The following TRIM62 variants were observed in gnomAD, a reference collection of about 807,000 sequenced individuals.
TRIM62 encodes E3 ubiquitin-protein ligase TRIM62.
TRIM62 carries 39 observed loss-of-function variants against 44.2 expected under a neutral mutation model. The ratio of observed to expected loss-of-function variants is 0.88; its 90% CI spans 0.68 to 1.15. TRIM62 has a LOEUF of 1.15. Ranked by LOEUF, TRIM62 falls within the 50% of genes most tolerant of loss-of-function variation. TRIM62 has a pLI of 0.00. For synonymous variants in TRIM62, 278 were observed against 292.3 expected (o/e 0.95, Z 0.50); for missense variants, 544 against 665.5 (o/e 0.82, Z 2.01).
At position 33,181,200 on chromosome 1, in the gene TRIM62, A is replaced by C; in HGVS notation, c.233T>G (p.Phe78Cys). ...LANIVERYSS[F>C]PLDAILNARR... ...CGCGTTGAGGATGGCGTCCAGCGGG[A>C]AGGAGCTGTAGCGCTCCACGATGTT... The change falls in exon 1 of 5, where the codon TTC becomes TGC. Residue 78 changes from phenylalanine to cysteine, a missense_variant. Physicochemically the swap from Phe to Cys is radical, Grantham distance 205 (BLOSUM62 -2). Coordinates refer to ENST00000291416, the MANE Select transcript of TRIM62 (RefSeq NM_018207.3). The surrounding 1 kb of genome is among the most constrained non-coding windows in gnomAD (Gnocchi z 6.5). The C allele has an allele frequency of 6.3e-7, 1 of 1,587,244 alleles. No individual in the cohort carries two copies. The highest frequency in any genetic ancestry group is 8.5e-7 in the Non-Finnish European group (1 of 1,172,318).
rs1005209019 is a variant in TRIM62, at chr1:33,161,423, A to G, written c.505-1479T>C. ...TGGGATTCTGGCTGGGAGTTCATGGAGTCAGAAACCCCACTGTGTTCAGTG... is the reference window on the plus strand; with the variant it reads ...TGGGATTCTGGCTGGGAGTTCATGGGGTCAGAAACCCCACTGTGTTCAGTG... On this transcript the variant is annotated intron_variant, in intron 2 of 4. Transcript: ENST00000291416. The surrounding 1 kb of genome is among the most constrained non-coding windows in gnomAD (Gnocchi z 4.3). Among the ~76,000 whole-genome samples, 5 of 152,088 alleles carry G rather than the reference A, an allele frequency of 3.3e-5. No homozygotes were observed. Among genetic ancestry groups the G allele is most frequent in the African/African-American group, 9.7e-5 (4 of 41,392 alleles).
Position 33,181,168 on chromosome 1 carries a change from C to T in TRIM62, c.265G>A (p.Ala89Thr). ...TCGTGCGCCTGGCAGGGTCGCGCGG[C>T]GCGGCGCGCGTTGAGGATGGCGTCC... is the stretch of plus-strand genomic sequence containing the variant. ...PLDAILNARR[A>T]ARPCQAHDKV... Residue 89 changes from alanine (A) to threonine (T), a missense_variant, in exon 1 of 5, where the codon GCC (alanine) becomes ACC (threonine). Ala to Thr is a moderately conservative substitution (Grantham distance 58, BLOSUM62 0). Coordinates refer to ENST00000291416, the MANE Select transcript of TRIM62 (RefSeq NM_018207.3). The surrounding 1 kb of genome is among the most constrained non-coding windows in gnomAD (Gnocchi z 6.5). 6.3e-7 allele frequency: 1 copy of T among 1,596,828 alleles called. No individual in the cohort carries two copies. Among genetic ancestry groups the T allele is most frequent in the South Asian group, 1.1e-5 (1 of 89,938 alleles).
intron 2 of TRIM62, among the ~76,000 whole-genome samples, chr1:33,160,162 A>C (rs781484006): frequency 2.2e-4 from 33 of 152,204 alleles, no homozygotes; most frequent in South Asian, 4.2e-4. Flanking sequence ...CAGGTGAGAA[A>C]ATGAGGCCTG....
In TRIM62 at chr1:33,177,372, C is replaced by G. The variant is rs1252333467; in HGVS notation, c.408+3653G>C. ...GATCCCTAACCCTTACAACATCCTT[C>G]CCAGGAACATCATATCCTCTTGTTA... On this transcript the variant is annotated intron_variant, in intron 1 of 4. Transcript: ENST00000291416. The surrounding 1 kb of genome is among the most constrained non-coding windows in gnomAD (Gnocchi z 4.1). 6.6e-6 allele frequency among the ~76,000 whole-genome samples: 1 copy of G among 152,146 alleles called. No individual in the cohort carries two copies. Among genetic ancestry groups the G allele is most frequent in the African/African-American group, 2.4e-5 (1 of 41,432 alleles).
At chr1:33,180,474 G>T (rs1056927581) in intron 1 of TRIM62, among the ~76,000 whole-genome samples, 2 of 152,110 alleles carry the variant, frequency 1.3e-5, no homozygotes, top group African/African-American at 4.8e-5. Context: ...CACTCTATTA[G>T]GTTTCACCCT....
Position 33,168,790 on chromosome 1 carries a change from GA to G in TRIM62, c.409-3225del, listed in dbSNP as rs534508054. Among the ~76,000 whole-genome samples the G allele has an allele frequency of 1.6e-3, 242 of 152,290 alleles. 1 individual carries two copies. The highest frequency in any genetic ancestry group is 5.7e-3 in the African/African-American group (235 of 41,556). ...ATCCAGCCTGGGACACAGTGTGGCTGAGAGGCAGATGTTGAGGAGATGGGCC... is the reference window on the plus strand; with the variant it reads ...ATCCAGCCTGGGACACAGTGTGGCTGGAGGCAGATGTTGAGGAGATGGGCC... On this transcript the variant is annotated intron_variant, in intron 1 of 4. Transcript: ENST00000291416.
rs1202086407 is a variant in TRIM62 at position 33,147,190 on chromosome 1, G to T, written c.1415C>A (p.Thr472Asn). 2 of 1,613,586 alleles carry T rather than the reference G, an allele frequency of 1.2e-6. No homozygotes were observed. The highest frequency in any genetic ancestry group is 8.5e-7 in the Non-Finnish European group (1 of 1,180,000). ...GKNVQPLRIN[T>N]VRI is the part of the protein sequence containing the mutation. ...CTTCTGCCTGGACTAGATGCGGACG[G>T]TGTTGATCCGCAGCGGCTGAACGTT... The change falls in exon 5 of 5, where the codon ACC (threonine) becomes AAC (asparagine). Residue 472 changes from threonine to asparagine, a missense_variant. By Grantham distance (65) the Thr-to-Asn change is moderately conservative. Coordinates refer to ENST00000291416, the MANE Select transcript of TRIM62 (RefSeq NM_018207.3). The surrounding 1 kb of genome is among the most constrained non-coding windows in gnomAD (Gnocchi z 8.1).
At position 33,161,959 on chromosome 1, in the gene TRIM62, T is replaced by C. The variant is rs1645274561; in HGVS notation, c.505-2015A>G. On this transcript the variant is annotated intron_variant, in intron 2 of 4. Coordinates refer to ENST00000291416, the MANE Select transcript of TRIM62 (RefSeq NM_018207.3). The surrounding 1 kb of genome is among the most constrained non-coding windows in gnomAD (Gnocchi z 4.3). ...CCCCCATTTTCAACTTGAACTGCTT[T>C]AAGGATGGTTCCCAAGTCCATATAG... Among the ~76,000 whole-genome samples the C allele has an allele frequency of 6.6e-6, 1 of 152,144 alleles. No individual in the cohort carries two copies. The highest frequency in any genetic ancestry group is 1.5e-5 in the Non-Finnish European group (1 of 68,020).
intron 2 of TRIM62, among the ~76,000 whole-genome samples, chr1:33,160,664 C>T (rs1204237721): frequency 1.3e-5 from 2 of 152,086 alleles, no homozygotes; most frequent in African/African-American, 4.8e-5. Flanking sequence ...CTTGGCCTCC[C>T]AAAGTGCTGG....
chr1:33,168,371 G>A (rs1334107838), intron 1 of TRIM62, among the ~76,000 whole-genome samples: 1 of 141,908 alleles, frequency 7.0e-6, no homozygotes, highest in African/African-American at 2.6e-5. Flanking sequence ...CTAGGAAGCT[G>A]GCTGTCTGAG....
Position 33,147,552 on chromosome 1 carries a change from G to A in TRIM62, c.1053C>T (p.His351=), listed in dbSNP as rs1333632918. 1 of 1,614,076 alleles carries A rather than the reference G, an allele frequency of 6.2e-7. No individual in the cohort carries two copies. Among genetic ancestry groups the A allele is most frequent in the East Asian group, 2.2e-5 (1 of 44,880 alleles). The change falls in exon 5 of 5, where the codon CAC becomes CAT. Residue 351 remains histidine, a synonymous_variant. Transcript: ENST00000291416. The surrounding 1 kb of genome is among the most constrained non-coding windows in gnomAD (Gnocchi z 8.1). ...TCTCCGCCACCACCACCTCCCAGTA[G>A]TGGACGCCACTACTGAAGGCTTCAG... The part of the protein sequence containing the change: ...LGSEAFSSGV[H]YWEVVVAEKT...
intron 4 of TRIM62, among the ~76,000 whole-genome samples, chr1:33,157,897 C>T (rs1645203040): frequency 6.6e-6 from 1 of 152,100 alleles, no homozygotes; most frequent in Non-Finnish European, 1.5e-5. Flanking sequence ...GCTGGGATTA[C>T]AGGTGCACGC....
chr1:33,145,680 G>T lies in TRIM62; in HGVS notation c.*1497C>A. 2 of 324,226 alleles carry T rather than the reference G, an allele frequency of 6.2e-6. No homozygotes were observed. The allele number at this position is 324,226 out of a possible 1,614,324, so 20.1% of individuals were successfully genotyped here. On this transcript the variant is annotated 3_prime_UTR_variant, in exon 5 of 5. Transcript: ENST00000291416. ...GGACTAGAAAGAAAAGTCAAGGCCGGGGAGACATTTAGGCTCAGTCTTGCA... is the reference window on the plus strand; with the variant it reads ...GGACTAGAAAGAAAAGTCAAGGCCGTGGAGACATTTAGGCTCAGTCTTGCA...
intron 4 of TRIM62, among the ~76,000 whole-genome samples, chr1:33,148,233 C>T (rs1047460438): frequency 5.9e-5 from 9 of 152,204 alleles, no homozygotes; most frequent in Non-Finnish European, 8.8e-5. Context: ...CCTTCCCCGA[C>T]TCCCAGTGAT....
rs1645230796 is a variant in TRIM62 at position 33,159,501 on chromosome 1, C to G, written c.761+187G>C. On this transcript the variant is annotated intron_variant, in intron 3 of 4. Coordinates refer to ENST00000291416, the MANE Select transcript of TRIM62 (RefSeq NM_018207.3). The surrounding 1 kb of genome is among the most constrained non-coding windows in gnomAD (Gnocchi z 4.2). ...CACCATTGCTGCTGCTCCTCTAGTTCAAGCCTCACTGGCTTCATACTCAAG... is the reference window on the plus strand; with the variant it reads ...CACCATTGCTGCTGCTCCTCTAGTTGAAGCCTCACTGGCTTCATACTCAAG... 1.3e-5 allele frequency among the ~76,000 whole-genome samples: 2 copies of G among 152,320 alleles called. No individual in the cohort carries two copies. The highest frequency in any genetic ancestry group is 4.1e-4 in the South Asian group (2 of 4,830).
rs746490711 is a variant in TRIM62 at position 33,165,044 on chromosome 1, G to C, written c.504+427C>G. ...TGGGCTCAAGCCATCATCTTGCCTCGGCCTCTGAAGAGACTGGGACTACAA... is the reference window on the plus strand; with the variant it reads ...TGGGCTCAAGCCATCATCTTGCCTCCGCCTCTGAAGAGACTGGGACTACAA... On this transcript the variant is annotated intron_variant, in intron 2 of 4. Transcript: ENST00000291416. The surrounding 1 kb of genome is among the most constrained non-coding windows in gnomAD (Gnocchi z 4.0). 6.5e-6 allele frequency: 1 copy of C among 153,428 alleles called. No homozygotes were observed. Among genetic ancestry groups the C allele is most frequent in the Middle Eastern group, 3.3e-3 (1 of 304 alleles). 9.5% of individuals were successfully genotyped at this position (153,428 alleles called of 1,614,324 possible).
chr1:33,165,374 C>T lies in TRIM62; in HGVS notation c.504+97G>A, dbSNP rs1166923763. ...TCCTTGAAGCCAGGTTTCCACCGCACACCCGAGGCCCCGCCCCTCTTCCCC... is the reference window on the plus strand; with the variant it reads ...TCCTTGAAGCCAGGTTTCCACCGCATACCCGAGGCCCCGCCCCTCTTCCCC... On this transcript the variant is annotated intron_variant, in intron 2 of 4. Transcript: ENST00000291416. The surrounding 1 kb of genome is among the most constrained non-coding windows in gnomAD (Gnocchi z 4.0). The T allele has an allele frequency of 1.6e-5, 19 of 1,165,854 alleles. No homozygotes were observed. The highest frequency in any genetic ancestry group is 2.3e-5 in the Non-Finnish European group (19 of 838,032). 72.2% of individuals were successfully genotyped at this position (1,165,854 alleles called of 1,614,324 possible).
chr1:33,159,809 T>C lies in TRIM62; in HGVS notation c.640A>G (p.Lys214Glu), dbSNP rs1410823770. Residue 214 changes from lysine (K) to glutamate (E), a missense_variant, in exon 3 of 5, where the codon AAA (lysine) becomes GAA (glutamate). By Grantham distance (56) the Lys-to-Glu change is moderately conservative (BLOSUM62 1). Transcript: ENST00000291416. The surrounding 1 kb of genome is among the most constrained non-coding windows in gnomAD (Gnocchi z 4.2). ...TARTLTDIEQ[K>E]VQRYSQQLRK... Reference sequence around the variant, plus strand: ...AGCTGCTGGCTGTAGCGCTGGACTTTCTGCTCGATGTCGGTCAGCGTGCGG... The same window carrying C: ...AGCTGCTGGCTGTAGCGCTGGACTTCCTGCTCGATGTCGGTCAGCGTGCGG... 4.3e-6 allele frequency: 7 copies of C among 1,613,800 alleles called. No homozygotes were observed. The highest frequency in any genetic ancestry group is 4.0e-5 in the African/African-American group (3 of 74,944).
At chr1:33,150,737 G>A (rs535806554) in intron 4 of TRIM62, among the ~76,000 whole-genome samples, 1 of 152,284 alleles carries the variant, frequency 6.6e-6, no homozygotes, top group Admixed American at 6.5e-5. Context: ...CGGGAGGTGG[G>A]AGTGGGAGGG....
Sources: allele counts gnomAD v4.1 joint callset (sites outside exome capture counted in the v4.1 genomes callset), GRCh38; gene constraint gnomAD v4.1.1; non-coding constraint Gnocchi (gnomAD v3.1); transcripts MANE v1.5; gene names NCBI Gene and HGNC (gene_info 2026-07-23, HGNC 2026-07-21).